The following CNTFR variants were observed in gnomAD, a reference collection of about 807,000 sequenced individuals.
CNTFR encodes the protein ciliary neurotrophic factor receptor.
In CNTFR, 12 loss-of-function variants were observed where a neutral mutation model predicts 40.4. The observed-to-expected ratio is 0.30, with a 90% CI of 0.19 to 0.48. The LOEUF is 0.48. Ranked by LOEUF, CNTFR falls within the 20% of genes least tolerant of loss-of-function variation. The pLI is 0.99. For missense variants in CNTFR, 414 were observed against 506.8 expected (o/e 0.82, Z 1.76); for synonymous variants, 202 against 209.6 (o/e 0.96, Z 0.31).
At chr9:34,562,269 C>T (rs555765962) in intron 4 of CNTFR, among the ~76,000 whole-genome samples, 22 of 152,314 alleles carry the variant, frequency 1.4e-4, no homozygotes, top group African/African-American at 4.6e-4. Flanking sequence ...AGGCTGAGTG[C>T]TCCACTTCTG....
At position 34,587,083 on chromosome 9, in the gene CNTFR, G is replaced by A. The variant is rs1054031219; in HGVS notation, c.-112+2472C>T. 7.9e-5 allele frequency among the ~76,000 whole-genome samples: 12 copies of A among 152,190 alleles called. No individual in the cohort carries two copies. In the East Asian group the frequency reaches 9.6e-4, roughly 12 times the overall value. ...AGTGTGAACTCCAAGATGCAAGTAC[G>A]GGTTTGAGTATGAGCCCAGGTCTCA... On this transcript the variant is annotated intron_variant, in intron 1 of 9. Coordinates refer to ENST00000378980, the MANE Select transcript of CNTFR (RefSeq NM_147164.3).
rs541819919 is a variant in CNTFR, at chr9:34,557,800, A to C, written c.437+67T>G. On this transcript the variant is annotated intron_variant, in intron 5 of 9. Transcript: ENST00000378980. This position sits in a 1 kb window ranked among gnomAD's most constrained non-coding sequence, Gnocchi z 4.2. ...CAGGGCTGGGGTATGGACAGAGGGCATGGTGGTGGGATGGGGGAGAGGTCA... is the reference window on the plus strand; with the variant it reads ...CAGGGCTGGGGTATGGACAGAGGGCCTGGTGGTGGGATGGGGGAGAGGTCA... 5 of 1,530,960 alleles carry C rather than the reference A, an allele frequency of 3.3e-6. No homozygotes were observed. Among genetic ancestry groups the C allele is most frequent in the Non-Finnish European group, 4.5e-6 (5 of 1,118,134 alleles). The allele number at this position is 1,530,960 out of a possible 1,614,324, so 94.8% of individuals were successfully genotyped here.
In CNTFR at chr9:34,557,222, C is replaced by A. The variant is rs1282255074; in HGVS notation, c.604+304G>T. ...GGGGGTGCGGTGGAGGCTGCAGCTG[C>A]ACAAGGGTCTGGCCCAGCCTGCCCC... On this transcript the variant is annotated intron_variant, in intron 6 of 9. Transcript: ENST00000378980. The surrounding 1 kb of genome is among the most constrained non-coding windows in gnomAD (Gnocchi z 4.2). Among the ~76,000 whole-genome samples, 1 of 151,898 alleles carries A rather than the reference C, an allele frequency of 6.6e-6. No homozygotes were observed. Among genetic ancestry groups the A allele is most frequent in the African/African-American group, 2.4e-5 (1 of 41,364 alleles).
chr9:34,557,366 T>C lies in CNTFR; in HGVS notation c.604+160A>G, dbSNP rs976089434. 6.6e-6 allele frequency among the ~76,000 whole-genome samples: 1 copy of C among 152,226 alleles called. No individual in the cohort carries two copies. On this transcript the variant is annotated intron_variant, in intron 6 of 9. Coordinates refer to ENST00000378980, the MANE Select transcript of CNTFR (RefSeq NM_147164.3). The surrounding 1 kb of genome is among the most constrained non-coding windows in gnomAD (Gnocchi z 4.2). ...TACACGTTCACAGGTGTATATGTCA[T>C]GCATATATGTGCACATATATGTGCA... is the stretch of plus-strand genomic sequence containing the variant.
rs144200406 is a variant in CNTFR at position 34,576,287 on chromosome 9, C to T, written c.-1+4808G>A. Among the ~76,000 whole-genome samples the T allele has an allele frequency of 3.9e-3, 593 of 152,340 alleles. 3 individuals are homozygous for T. The highest frequency in any genetic ancestry group is 0.014 in the African/African-American group (562 of 41,586). ...TGTGCGTGCACACATTACAGTCACA[C>T]TCACACACACAGACTCCCTCACACA... On this transcript the variant is annotated intron_variant, in intron 2 of 9. Coordinates refer to ENST00000378980, the MANE Select transcript of CNTFR (RefSeq NM_147164.3).
rs768194309 is a variant in CNTFR, at chr9:34,552,860, G to GT, written c.769-7_769-6insA. ...GTGCCGTCGGACAGCTCCACCTGCA[G>GT]CCAGACCATGGGGTGGGGGTAAGGA... On this transcript the variant is annotated splice_polypyrimidine_tract_variant and splice_region_variant and intron_variant, in intron 7 of 9. Coordinates refer to ENST00000378980, the MANE Select transcript of CNTFR (RefSeq NM_147164.3). This position sits in a 1 kb window ranked among gnomAD's most constrained non-coding sequence, Gnocchi z 5.1. 3 of 1,608,950 alleles carry GT rather than the reference G, an allele frequency of 1.9e-6. No individual in the cohort carries two copies. The African/African-American group carries it at 4.0e-5, about 21-fold the overall frequency.
chr9:34,580,976 AG>A (rs1288860919), intron 2 of CNTFR, 118 bp downstream of exon 2: 1 of 152,248 alleles, frequency 6.6e-6, no homozygotes, highest in African/African-American at 2.4e-5. Flanking sequence ...AAGAAAGGAC[AG>A]GGGAAGAGAG....
intron 7 of CNTFR, among the ~76,000 whole-genome samples, chr9:34,553,231 G>A (rs1001797197): frequency 3.3e-5 from 5 of 152,134 alleles, no homozygotes; most frequent in Non-Finnish European, 5.9e-5. Context: ...GGCAAGGGCA[G>A]GGGGTGAGAG....
Position 34,556,342 on chromosome 9 carries a change from C to G in CNTFR, c.681G>C (p.Gln227His). 2 of 1,613,956 alleles carry G rather than the reference C, an allele frequency of 1.2e-6. No individual in the cohort carries two copies. The highest frequency in any genetic ancestry group is 2.2e-5 in the South Asian group (2 of 91,076). ...CAGGGTCAGGCCAGGTCGAGGGGGT[C>G]TGCCACGTCACCTCCAGCCGGCGAG... Reference protein sequence around the residue: ...SNPRRLEVTWQTPSTWPDPES... With the variant: ...SNPRRLEVTWHTPSTWPDPES... Residue 227 changes from glutamine (Q) to histidine (H), a missense_variant, in exon 7 of 10, where the codon CAG (glutamine) becomes CAC (histidine). This residue lies in a region of CNTFR where 83 missense variants were observed against 145.0 expected (regional missense o/e 0.57). Transcript: ENST00000378980.
chr9:34,556,912 A>C (rs1030965377), intron 6 of CNTFR, among the ~76,000 whole-genome samples: 2 of 152,130 alleles, frequency 1.3e-5, no homozygotes, highest in Non-Finnish European at 2.9e-5. Flanking sequence ...GCAGATCTGG[A>C]GGTAGGCTGG....
At chr9:34,582,135 C>T (rs188625963) in intron 1 of CNTFR, among the ~76,000 whole-genome samples, 2 of 151,954 alleles carry the variant, frequency 1.3e-5, no homozygotes, top group Non-Finnish European at 2.9e-5. Flanking sequence ...ATTAGCCAGG[C>T]GTGGTGGCAT....
chr9:34,578,907 GA>G (rs1485983937), intron 2 of CNTFR, among the ~76,000 whole-genome samples: 17 of 152,182 alleles, frequency 1.1e-4, no homozygotes, highest in Non-Finnish European at 2.5e-4. Flanking sequence ...CTGCATTTGG[GA>G]TGAGGACCCC....
chr9:34,564,495 T>C, intron 4 of CNTFR, 104 bp downstream of exon 4: 2 of 1,077,034 alleles, frequency 1.9e-6, no homozygotes, highest in Non-Finnish European at 2.8e-6. Flanking sequence ...GCTGCAGCTC[T>C]CCCCTCTCCA....
intron 4 of CNTFR, 25 bp downstream of exon 4, chr9:34,564,574 G>A (rs1256613536): frequency 6.3e-7 from 1 of 1,579,522 alleles, no homozygotes. Flanking sequence ...AGGGAGGCTG[G>A]ATGAGGGGTG....
intron 2 of CNTFR, among the ~76,000 whole-genome samples, chr9:34,576,087 T>C (rs932274916): frequency 3.3e-5 from 5 of 151,026 alleles, no homozygotes; most frequent in African/African-American, 1.2e-4. Flanking sequence ...ACTTGGGCTC[T>C]CACTACACCC....
intron 7 of CNTFR, among the ~76,000 whole-genome samples, chr9:34,554,354 C>T (rs912614438): frequency 2.6e-5 from 4 of 152,140 alleles, no homozygotes; most frequent in African/African-American, 4.8e-5. Flanking sequence ...ATCAAATTGC[C>T]ACCTCATTGT....
chr9:34,559,216 G>A (rs1252864568), intron 4 of CNTFR, among the ~76,000 whole-genome samples: 5 of 152,236 alleles, frequency 3.3e-5, no homozygotes, highest in Non-Finnish European at 5.9e-5. Context: ...CAGGGGAACA[G>A]TGGGCTTCCA....
chr9:34,582,977 G>A (rs1827380044), intron 1 of CNTFR: 1 of 152,272 alleles, frequency 6.6e-6, no homozygotes, highest in Non-Finnish European at 1.5e-5. Flanking sequence ...CGTATTGTGG[G>A]GGGAGCATGC....
intron 1 of CNTFR, among the ~76,000 whole-genome samples, chr9:34,586,543 G>A (rs986741344): frequency 1.3e-5 from 2 of 152,090 alleles, no homozygotes; most frequent in Non-Finnish European, 2.9e-5. Context: ...GTATGGGGCG[G>A]GGGAGATGTC....
Sources: allele counts gnomAD v4.1 joint callset (sites outside exome capture counted in the v4.1 genomes callset), GRCh38; gene constraint gnomAD v4.1.1; regional missense constraint gnomAD v4.1.1; non-coding constraint Gnocchi (gnomAD v3.1); transcripts MANE v1.5; gene names NCBI Gene and HGNC (gene_info 2026-07-23, HGNC 2026-07-21).